Variants in USH2A observed in about 807,000 individuals in gnomAD.
The protein encoded by USH2A is Usher syndrome 2A (autosomal recessive, mild).
In USH2A, 443 loss-of-function variants were observed where a neutral mutation model predicts 538.9. The observed-to-expected ratio is 0.82, with a 90% CI of 0.76 to 0.89. The LOEUF (loss-of-function observed/expected upper bound fraction) is 0.89, where lower values mean the gene tolerates loss of function less well. USH2A is among the 40% of genes least tolerant of loss of function. USH2A has a pLI of 0.00. For missense variants in USH2A, 6,633 were observed against 6,324.8 expected (o/e 1.05, Z -1.65); for synonymous variants, 2,413 against 2,273.5 (o/e 1.06, Z -1.75).
chr1:216,086,247 G>A (rs1211020964), intron 24 of USH2A, among the ~76,000 whole-genome samples: 2 of 152,122 alleles, frequency 1.3e-5, no homozygotes, highest in South Asian at 2.1e-4. Flanking sequence ...TTATACGCCT[G>A]TGACCTCTAT....
chr1:215,918,316 A>G (rs1460784835), intron 38 of USH2A, among the ~76,000 whole-genome samples: 1 of 152,004 alleles, frequency 6.6e-6, no homozygotes, highest in African/African-American at 2.4e-5. Context: ...ACCGCCAAGG[A>G]GATAATATTA....
chr1:215,702,718 T>C (rs1659067719), intron 61 of USH2A, among the ~76,000 whole-genome samples: 1 of 152,016 alleles, frequency 6.6e-6, no homozygotes, highest in South Asian at 2.1e-4. Context: ...CTGTAACCTT[T>C]TTTTTCAAGG....
At chr1:215,881,181 C>T (rs968859871) in intron 41 of USH2A, among the ~76,000 whole-genome samples, 2 of 152,178 alleles carry the variant, frequency 1.3e-5, no homozygotes, top group African/African-American at 4.8e-5. Flanking sequence ...CACTCTGTCA[C>T]CCAGCCTGGA....
intron 41 of USH2A, among the ~76,000 whole-genome samples, chr1:215,883,075 T>C (rs1001015762): frequency 6.6e-6 from 1 of 152,158 alleles, no homozygotes; most frequent in Non-Finnish European, 1.5e-5. Flanking sequence ...ATTACTGATA[T>C]TCGTTTTTGC....
At chr1:215,923,478 T>C (rs2102490268) in intron 38 of USH2A, among the ~76,000 whole-genome samples, 1 of 152,180 alleles carries the variant, frequency 6.6e-6, no homozygotes, top group East Asian at 1.9e-4. Context: ...GAGACATGCC[T>C]CTGTTTACTG....
At chr1:216,253,820 C>A (rs1454194825) in intron 11 of USH2A, among the ~76,000 whole-genome samples, 2 of 152,166 alleles carry the variant, frequency 1.3e-5, no homozygotes, top group East Asian at 3.8e-4. Flanking sequence ...CATTACTTTG[C>A]AATTCATAAT....
At chr1:215,686,495 T>C (rs1239687245) in intron 61 of USH2A, among the ~76,000 whole-genome samples, 1 of 152,010 alleles carries the variant, frequency 6.6e-6, no homozygotes, top group Non-Finnish European at 1.5e-5. Context: ...AGGGGAATAG[T>C]AGGGATTGTG....
chr1:215,923,866 C>T (rs6700853), intron 38 of USH2A, among the ~76,000 whole-genome samples: 145,831 of 152,082 alleles, frequency 0.96, 69,953 homozygotes, highest in East Asian at 1. Context: ...CATTCACCCA[C>T]TCATTTTTTT....
chr1:215,937,203 G>A (rs1179785628), intron 37 of USH2A, among the ~76,000 whole-genome samples: 1 of 152,052 alleles, frequency 6.6e-6, no homozygotes, highest in Non-Finnish European at 1.5e-5. Context: ...AGTAAAGGCA[G>A]ATAAAGACAT....
chr1:215,693,116 G>GCATA (rs1658675090), intron 61 of USH2A, among the ~76,000 whole-genome samples: 1 of 133,516 alleles, frequency 7.5e-6, no homozygotes, highest in African/African-American at 2.7e-5. Flanking sequence ...GTGTGTATGT[G>GCATA]TATATATATA....
chr1:216,048,439 G>A (rs1035532105), intron 31 of USH2A, 95 bp downstream of exon 31: 11 of 1,279,410 alleles, frequency 8.6e-6, no homozygotes. Context: ...TTAGGTTGGG[G>A]TTTGCCAGCA....
chr1:216,109,235 C>G (rs547929646), intron 21 of USH2A, among the ~76,000 whole-genome samples: 1 of 152,238 alleles, frequency 6.6e-6, no homozygotes, highest in South Asian at 2.1e-4. Flanking sequence ...ATAGTGTAAC[C>G]TGGGGCTGAG....
intron 4 of USH2A, among the ~76,000 whole-genome samples, chr1:216,329,624 C>T (rs2037814726): frequency 6.6e-6 from 1 of 152,086 alleles, no homozygotes. Context: ...CACTGTTAAT[C>T]TACAGCATGA....
intron 20 of USH2A, among the ~76,000 whole-genome samples, chr1:216,187,782 T>C (rs2034638793): frequency 6.6e-6 from 1 of 151,954 alleles, no homozygotes; most frequent in Non-Finnish European, 1.5e-5. Context: ...ATTTTACATG[T>C]ATTAACTAAT....
At chr1:215,840,905 T>C (rs1052513210) in intron 46 of USH2A, among the ~76,000 whole-genome samples, 2 of 152,284 alleles carry the variant, frequency 1.3e-5, no homozygotes, top group African/African-American at 4.8e-5. Flanking sequence ...TAATTTGGCC[T>C]ATGGTCTACC....
In USH2A at chr1:216,321,973, A is replaced by G. The variant is rs759607961; in HGVS notation, c.1554T>C (p.Cys518=). 12 of 1,613,852 alleles carry G rather than the reference A, an allele frequency of 7.4e-6. No individual in the cohort carries two copies. In the South Asian group the frequency reaches 1.3e-4, roughly 18 times the overall value. The part of the protein sequence containing the change: ...AVDEITISGR[C]QCHGHADNCD... ...AGTTATCGGCATGACCATGGCACTG[A>G]CATCTGCAAACATGAGCATCACACA... is the stretch of plus-strand genomic sequence containing the variant. The change falls in exon 9 of 72, where the codon TGT becomes TGC. Residue 518 remains cysteine (C), a synonymous_variant. Coordinates refer to ENST00000307340, the MANE Select transcript of USH2A (RefSeq NM_206933.4).
At chr1:216,228,628 C>T (rs1283630272) in intron 14 of USH2A, among the ~76,000 whole-genome samples, 1 of 152,188 alleles carries the variant, frequency 6.6e-6, no homozygotes, top group Admixed American at 6.5e-5. Context: ...TCACCTTCCA[C>T]TGCAATTGTG....
intron 9 of USH2A, among the ~76,000 whole-genome samples, chr1:216,299,431 A>G (rs931887360): frequency 6.6e-6 from 1 of 152,300 alleles, no homozygotes; most frequent in South Asian, 2.1e-4. Flanking sequence ...TTAAGAAGAT[A>G]GAGACAGATG....
chr1:216,196,471 C>A, intron 19 of USH2A, 82 bp downstream of exon 19: 1 of 1,498,862 alleles, frequency 6.7e-7, no homozygotes, highest in Non-Finnish European at 9.3e-7. Flanking sequence ...AGAATTCTGT[C>A]ACAGAATTCT....
Sources: allele counts gnomAD v4.1 joint callset (sites outside exome capture counted in the v4.1 genomes callset), GRCh38; gene constraint gnomAD v4.1.1; transcripts MANE v1.5; gene names NCBI Gene and HGNC (gene_info 2026-07-23, HGNC 2026-07-21).